The following TEX11 variants were observed in gnomAD, a reference collection of about 807,000 sequenced individuals.
The protein encoded by TEX11 is testis-expressed protein 11.
A neutral mutation model predicts 84.4 loss-of-function variants in TEX11; 7 were observed. The observed-to-expected ratio is 0.08, with a 90% CI of 0.05 to 0.16. The LOEUF is 0.16. Ranked by LOEUF, TEX11 falls within the 10% of genes least tolerant of loss-of-function variation. The pLI is 1.00. For synonymous variants in TEX11, 264 were observed against 222.8 expected, an observed-to-expected ratio of 1.18 and a Z score of -1.64; for missense variants, 551 against 660.5, an observed-to-expected ratio of 0.83 and a Z score of 1.82.
intron 8 of TEX11, among the ~76,000 whole-genome samples, chrX:70,818,366 C>A (rs1218847817): frequency 9.0e-6 from 1 of 110,782 alleles, no homozygotes; most frequent in Non-Finnish European, 1.9e-5. Flanking sequence ...CTGAGGATAA[C>A]CACATAGAAA....
intron 16 of TEX11, among the ~76,000 whole-genome samples, chrX:70,658,239 G>A (rs956570270): frequency 9.0e-6 from 1 of 110,885 alleles, no homozygotes; most frequent in Non-Finnish European, 1.9e-5. Context: ...CCAACATGGT[G>A]AAACCTCATC....
At chrX:70,907,575 G>T (rs1180040583) in intron 2 of TEX11, among the ~76,000 whole-genome samples, 178 bp downstream of exon 2, 2 of 111,227 alleles carry the variant, frequency 1.8e-5, no homozygotes, top group Non-Finnish European at 3.8e-5. Context: ...TGTATGTTTA[G>T]TAGAGACGCG....
chrX:70,515,277 C>CA, the TEX11 span, among the ~76,000 whole-genome samples: 1 of 104,967 alleles, frequency 9.5e-6, no homozygotes, highest in East Asian at 2.9e-4. Context: ...CACCCCCCCC[C>CA]ACCCCACAAC....
chrX:70,817,004 GT>G (rs939673012), intron 8 of TEX11, among the ~76,000 whole-genome samples: 2 of 110,521 alleles, frequency 1.8e-5, no homozygotes, highest in African/African-American at 6.6e-5. Flanking sequence ...TTGAAGCCAA[GT>G]TTTTTGTTGT....
At chrX:70,636,996 A>G (rs1339492459) in intron 17 of TEX11, among the ~76,000 whole-genome samples, 1 of 111,836 alleles carries the variant, frequency 8.9e-6, no homozygotes, top group African/African-American at 3.3e-5. Flanking sequence ...AAATTTTTAC[A>G]ATCTATCCAT....
In TEX11 at chrX:70,766,784, A is replaced by G. The variant is rs151181966; in HGVS notation, c.693-22565T>C. On this transcript the variant is annotated intron_variant, in intron 9 of 29. Coordinates refer to ENST00000374333, the MANE Select transcript of TEX11 (RefSeq NM_031276.3). ...GGTACTGGCATGAAAACAGACACAT[A>G]GACCAATGGAACAGAATAGAGATCC... 8.9e-3 allele frequency among the ~76,000 whole-genome samples: 996 copies of G among 111,625 alleles called. 7 individuals carry two copies. Among genetic ancestry groups the G allele is most frequent in the African/African-American group, 0.031 (942 of 30,685 alleles).
rs375104530 is a variant in TEX11, at chrX:70,767,987, G to A, written c.693-23768C>T. On this transcript the variant is annotated intron_variant, in intron 9 of 29. Transcript: ENST00000374333. ...GTTACCAGAGGCTGGAAAGGGTTTGGGGGTGGTTTGGTGAGGGGAGGTGAG... is the reference window on the plus strand; with the variant it reads ...GTTACCAGAGGCTGGAAAGGGTTTGAGGGTGGTTTGGTGAGGGGAGGTGAG... 7.7e-4 allele frequency among the ~76,000 whole-genome samples: 86 copies of A among 111,114 alleles called. No homozygotes were observed. In the South Asian group the frequency reaches 8.1e-3, roughly 11 times the overall value.
chrX:70,715,981 C>T (rs924032022), intron 13 of TEX11, among the ~76,000 whole-genome samples: 9 of 112,696 alleles, frequency 8.0e-5, no homozygotes, highest in African/African-American at 2.6e-4. Flanking sequence ...TGTGGATGTC[C>T]TTTCTGTTTG....
intron 16 of TEX11, among the ~76,000 whole-genome samples, chrX:70,665,871 T>A (rs1241244638): frequency 8.9e-6 from 1 of 112,261 alleles, no homozygotes; most frequent in African/African-American, 3.2e-5. Context: ...CTCATTCAGT[T>A]CTGATAATCA....
chrX:70,883,384 G>A (rs2091693018), intron 2 of TEX11, among the ~76,000 whole-genome samples: 1 of 111,268 alleles, frequency 9.0e-6, no homozygotes, highest in Non-Finnish European at 1.9e-5. Context: ...AGGAGTTCGA[G>A]ACTACCCTGG....
intron 9 of TEX11, among the ~76,000 whole-genome samples, chrX:70,748,222 A>C (rs1430303003): frequency 9.0e-6 from 1 of 111,624 alleles, no homozygotes; most frequent in Admixed American, 9.6e-5. Context: ...AATAATCGAC[A>C]CATCCAAGAA....
chrX:70,610,267 A>G (rs936993843), intron 21 of TEX11, among the ~76,000 whole-genome samples: 3 of 109,555 alleles, frequency 2.7e-5, no homozygotes, highest in Non-Finnish European at 5.7e-5. Flanking sequence ...TGTCCTTAAA[A>G]CAAATAGGAA....
chrX:70,900,393 A>AG (rs2091796372), intron 2 of TEX11, among the ~76,000 whole-genome samples: 7 of 50,499 alleles, frequency 1.4e-4, no homozygotes, highest in Non-Finnish European at 2.7e-4. Context: ...AAAAAAAAAA[A>AG]AAAAGAAGAA....
intron 9 of TEX11, among the ~76,000 whole-genome samples, chrX:70,790,485 A>G (rs2091111288): frequency 8.9e-6 from 1 of 111,971 alleles, no homozygotes; most frequent in Non-Finnish European, 1.9e-5. Flanking sequence ...CACAAACTCC[A>G]TAGACATTTA....
intron 9 of TEX11, among the ~76,000 whole-genome samples, chrX:70,757,920 G>T (rs1488368938): frequency 1.8e-5 from 2 of 111,449 alleles, no homozygotes; most frequent in Non-Finnish European, 3.8e-5. Context: ...TAAAGGGATG[G>T]AGGAAGATTT....
intron 8 of TEX11, among the ~76,000 whole-genome samples, chrX:70,823,728 C>T (rs777846794): frequency 1.8e-5 from 2 of 110,817 alleles, no homozygotes; most frequent in South Asian, 3.8e-4. Context: ...TGTTTTAGAC[C>T]GGGTGCAGTG....
At position 70,853,169 on chromosome X, in the gene TEX11, A is replaced by C. The variant is rs2091517956; in HGVS notation, c.406-16T>G. On this transcript the variant is annotated splice_polypyrimidine_tract_variant and intron_variant, in intron 6 of 29. Coordinates refer to ENST00000374333, the MANE Select transcript of TEX11 (RefSeq NM_031276.3). The stretch of plus-strand genomic sequence containing the variant: ...GCTCCAGACTCTGGAAAATAAACCC[A>C]CAGTACAATGTAACAATGAGAATAA... The C allele has an allele frequency of 8.3e-7, 1 of 1,210,618 alleles. No homozygotes were observed. Among genetic ancestry groups the C allele is most frequent in the South Asian group, 1.8e-5 (1 of 56,908 alleles).
chrX:70,865,444 G>A (rs750587356), intron 4 of TEX11, among the ~76,000 whole-genome samples: 17 of 111,158 alleles, frequency 1.5e-4, no homozygotes, highest in African/African-American at 4.9e-4. Flanking sequence ...CAATAATAGC[G>A]GGAGATTTTA....
At chrX:70,522,656 C>T in the TEX11 span, among the ~76,000 whole-genome samples, 1 of 110,789 alleles carries the variant, frequency 9.0e-6, no homozygotes, top group Non-Finnish European at 1.9e-5. Flanking sequence ...GCCTCAGCCT[C>T]CTGAGTAGCT....
Sources: allele counts gnomAD v4.1 joint callset (sites outside exome capture counted in the v4.1 genomes callset), GRCh38; gene constraint gnomAD v4.1.1; transcripts MANE v1.5; gene names NCBI Gene and HGNC (gene_info 2026-07-23, HGNC 2026-07-21).